The following USP13 variants were observed in gnomAD, a reference collection of about 807,000 sequenced individuals.
The protein encoded by USP13 is ubiquitin specific peptidase 13.
USP13 carries 68 observed loss-of-function variants against 107.8 expected under a neutral mutation model. That is an observed-to-expected ratio of 0.63 (90% CI 0.52 to 0.77). USP13 has a LOEUF of 0.77. Among genes scored for constraint, USP13 ranks in the 30% least tolerant of loss-of-function variants. USP13 has a pLI of 0.00. For synonymous variants in USP13, 377 were observed against 389.5 expected, an observed-to-expected ratio of 0.97 and a Z score of 0.38; for missense variants, 945 against 1,093.3, an observed-to-expected ratio of 0.86 and a Z score of 1.91.
intron 6 of USP13, among the ~76,000 whole-genome samples, chr3:179,709,752 C>T (rs1290076760): frequency 6.6e-6 from 1 of 152,186 alleles, no homozygotes; most frequent in East Asian, 1.9e-4. Flanking sequence ...TGGACTGATA[C>T]CCAGCTGGTC....
intron 19 of USP13, 130 bp downstream of exon 19, chr3:179,765,978 T>G: frequency 6.7e-6 from 3 of 445,698 alleles, no homozygotes; most frequent in East Asian, 7.4e-5. Flanking sequence ...ATCTTCTTCG[T>G]TTTTTTTTTT....
intron 5 of USP13, among the ~76,000 whole-genome samples, chr3:179,707,534 C>T (rs946951876): frequency 6.6e-6 from 1 of 152,182 alleles, no homozygotes; most frequent in Admixed American, 6.5e-5. Flanking sequence ...CCACAGTGTA[C>T]ATTTGCTCAC....
At chr3:179,783,903 C>A in intron 20 of USP13, 145 bp from the exon 21 acceptor site, 1 of 535,184 alleles carries the variant, frequency 1.9e-6, no homozygotes, top group Non-Finnish European at 3.3e-6. Context: ...TACCAGCATT[C>A]TGTCCCTTTT....
intron 2 of USP13, among the ~76,000 whole-genome samples, chr3:179,684,714 T>C (rs1204764531): frequency 1.3e-5 from 2 of 152,218 alleles, no homozygotes; most frequent in African/African-American, 4.8e-5. Flanking sequence ...TGTCTCTGCA[T>C]TGGTATGGCA....
At chr3:179,697,681 T>C (rs9812373) in intron 3 of USP13, among the ~76,000 whole-genome samples, 13,742 of 152,128 alleles carry the variant, frequency 0.09, 838 homozygotes, top group African/African-American at 0.17. Context: ...CTAAATATTT[T>C]TGGGGTGATG....
intron 3 of USP13, among the ~76,000 whole-genome samples, chr3:179,690,905 C>T (rs908838510): frequency 6.6e-6 from 1 of 152,178 alleles, no homozygotes; most frequent in Non-Finnish European, 1.5e-5. Context: ...CAGTGACTCA[C>T]GCCTGTATTC....
chr3:179,737,629 G>A lies in USP13; in HGVS notation c.1255-2618G>A, dbSNP rs1222582880. Among the ~76,000 whole-genome samples the A allele has an allele frequency of 2.0e-5, 3 of 152,318 alleles. 1 individual carries two copies. The highest frequency in any genetic ancestry group is 1.3e-4 in the Admixed American group (2 of 15,294). ...AGTAAAATTAATTGCGCTTTGGCTA[G>A]CGCTGGAAGCACAACTGAAGCCGTG... On this transcript the variant is annotated intron_variant, in intron 10 of 20. Coordinates refer to ENST00000263966, the MANE Select transcript of USP13 (RefSeq NM_003940.3).
In USP13 at chr3:179,740,343, T is replaced by C. The variant is rs1049191701; in HGVS notation, c.1351T>C (p.Phe451Leu). ...TAACAGGCAGCAAGATGCCCAGGAA[T>C]TCTTCTTGCACCTGGTGAATCTAGT... ...SSNRQQDAQE[F>L]FLHLVNLVER... Residue 451 changes from phenylalanine to leucine, a missense_variant, in exon 11 of 21, where the codon TTC becomes CTC. By Grantham distance (22) the Phe-to-Leu change is conservative (BLOSUM62 0). Coordinates refer to ENST00000263966, the MANE Select transcript of USP13 (RefSeq NM_003940.3). 7 of 1,614,104 alleles carry C rather than the reference T, an allele frequency of 4.3e-6. No individual in the cohort carries two copies. The highest frequency in any genetic ancestry group is 5.1e-6 in the Non-Finnish European group (6 of 1,180,010).
Position 179,788,278 on chromosome 3 carries a change from A to G in USP13, c.*4137A>G, listed in dbSNP as rs1167301888. On this transcript the variant is annotated 3_prime_UTR_variant, in exon 21 of 21. Transcript: ENST00000263966. Reference sequence around the variant, plus strand: ...AAAGTGTGATAATGTCCTTTAGATAAAAGAAATCCTACGCTATAGAACAAG... The same window carrying G: ...AAAGTGTGATAATGTCCTTTAGATAGAAGAAATCCTACGCTATAGAACAAG... 2 of 152,200 alleles carry G rather than the reference A, an allele frequency of 1.3e-5. No homozygotes were observed. The highest frequency in any genetic ancestry group is 2.9e-5 in the Non-Finnish European group (2 of 68,040). The allele number at this position is 152,200 out of a possible 1,614,324, so 9.4% of individuals were successfully genotyped here.
chr3:179,764,558 C>T (rs1715113634), intron 18 of USP13, among the ~76,000 whole-genome samples: 1 of 152,026 alleles, frequency 6.6e-6, no homozygotes, highest in Non-Finnish European at 1.5e-5. Flanking sequence ...GATACCAAGA[C>T]CTTGGGTAAA....
Position 179,655,548 on chromosome 3 carries a change from G to GTTTTTTTTTTTTTTTTTT in USP13, c.168+2163_168+2164insTTTTTTTTTTTTTTTTTT, listed in dbSNP as rs150977876. Among the ~76,000 whole-genome samples the GTTTTTTTTTTTTTTTTTT allele has an allele frequency of 1.8e-4, 23 of 131,402 alleles. 1 individual carries two copies. The highest frequency in any genetic ancestry group is 5.0e-4 in the African/African-American group (15 of 29,962). 86.2% of individuals were successfully genotyped at this position (131,402 alleles called of 152,430 possible). A position where few individuals can be genotyped will look rare whatever the true frequency, so the allele number is the denominator to read the frequency against. On this transcript the variant is annotated intron_variant, in intron 1 of 20. Transcript: ENST00000263966. ...AAGCACAGTGCGTGATAATGGGAAG[G>GTTTTTTTTTTTTTTTTTT]TTTTTTTTGTTTTGTTTTGTTTTTT...
chr3:179,719,073 C>T (rs1713212122), intron 6 of USP13, among the ~76,000 whole-genome samples: 2 of 152,162 alleles, frequency 1.3e-5, no homozygotes, highest in Non-Finnish European at 2.9e-5. Context: ...TGAGTCCATA[C>T]ACCCCACTTT....
At chr3:179,710,886 G>C (rs1712898375) in intron 6 of USP13, among the ~76,000 whole-genome samples, 1 of 152,188 alleles carries the variant, frequency 6.6e-6, no homozygotes, top group Non-Finnish European at 1.5e-5. Flanking sequence ...AAAAGATACA[G>C]CAACAACATG....
At chr3:179,724,238 A>T (rs1713432035) in intron 8 of USP13, among the ~76,000 whole-genome samples, 1 of 151,882 alleles carries the variant, frequency 6.6e-6, no homozygotes, top group Non-Finnish European at 1.5e-5. Flanking sequence ...TGGACAGATC[A>T]CCTGAGATCA....
intron 3 of USP13, among the ~76,000 whole-genome samples, chr3:179,699,076 C>T (rs1250878102): frequency 6.6e-6 from 1 of 152,040 alleles, no homozygotes; most frequent in Non-Finnish European, 1.5e-5. Flanking sequence ...ACCATCTTGG[C>T]CAGGCTGGTC....
intron 1 of USP13, among the ~76,000 whole-genome samples, chr3:179,668,793 CTTGT>C (rs1720659332): frequency 6.6e-6 from 1 of 152,170 alleles, no homozygotes; most frequent in Non-Finnish European, 1.5e-5. Context: ...GATCTGGAAT[CTTGT>C]TTTACTTTCT....
At chr3:179,689,878 C>T (rs1302120004) in intron 2 of USP13, among the ~76,000 whole-genome samples, 5 of 152,182 alleles carry the variant, frequency 3.3e-5, no homozygotes, top group African/African-American at 9.7e-5. Context: ...ATAAGATCCT[C>T]ACCTTCTGGA....
intron 1 of USP13, among the ~76,000 whole-genome samples, chr3:179,663,770 A>T (rs1184760498): frequency 6.6e-6 from 1 of 152,162 alleles, no homozygotes; most frequent in Non-Finnish European, 1.5e-5. Flanking sequence ...TGTCTGTCCC[A>T]AAAGACTTTC....
intron 1 of USP13, among the ~76,000 whole-genome samples, chr3:179,674,123 C>A (rs1326716965): frequency 6.6e-6 from 1 of 152,108 alleles, no homozygotes; most frequent in Non-Finnish European, 1.5e-5. Context: ...GAACTCCTGA[C>A]CTCAGGTGAT....
Sources: allele counts gnomAD v4.1 joint callset (sites outside exome capture counted in the v4.1 genomes callset), GRCh38; gene constraint gnomAD v4.1.1; transcripts MANE v1.5; gene names NCBI Gene and HGNC (gene_info 2026-07-23, HGNC 2026-07-21).